FGD4: variants seen among roughly 807,000 people sequenced by gnomAD.
FGD4 encodes the protein FYVE, RhoGEF and PH domain containing 4, also known as FYVE, RhoGEF and PH domain-containing protein 4.
Under a neutral mutation model 102.0 loss-of-function variants are expected in FGD4, and 42 were observed. The observed-to-expected ratio is 0.41, with a 90% CI of 0.32 to 0.53. FGD4 has a LOEUF of 0.53. Ranked by LOEUF, FGD4 falls within the 20% of genes least tolerant of loss-of-function variation. The pLI, the probability that FGD4 is intolerant of heterozygous loss-of-function variation, is 0.21. For synonymous variants in FGD4, 380 were observed against 375.7 expected (o/e 1.01, Z -0.13); for missense variants, 902 against 1,078.2 (o/e 0.84, Z 2.29).
chr12:32,425,877 G>A (rs1941812753), intron 1 of FGD4, among the ~76,000 whole-genome samples: 2 of 151,756 alleles, frequency 1.3e-5, no homozygotes, highest in Non-Finnish European at 2.9e-5. Flanking sequence ...TCTGTTATTG[G>A]TGTATAGGAA....
At chr12:32,441,800 C>G (rs1320662246) in intron 1 of FGD4, among the ~76,000 whole-genome samples, 1 of 152,056 alleles carries the variant, frequency 6.6e-6, no homozygotes, top group Non-Finnish European at 1.5e-5. Context: ...CACTTTGGCC[C>G]TAGGTTTGTG....
intron 14 of FGD4, among the ~76,000 whole-genome samples, chr12:32,630,184 C>T (rs79698257): frequency 0.013 from 2,049 of 152,284 alleles, 44 homozygotes; most frequent in African/African-American, 0.047. Context: ...GGAAAATTCT[C>T]TTACTTTAAC....
intron 1 of FGD4, among the ~76,000 whole-genome samples, chr12:32,457,968 A>C (rs1023279184): frequency 6.6e-6 from 1 of 152,042 alleles, no homozygotes; most frequent in African/African-American, 2.4e-5. Context: ...TTAATTAGGT[A>C]ACATAATTTC....
At chr12:32,476,544 C>G (rs772187878) in intron 1 of FGD4, among the ~76,000 whole-genome samples, 11 of 152,158 alleles carry the variant, frequency 7.2e-5, no homozygotes, top group Non-Finnish European at 1.3e-4. Flanking sequence ...GCATGTTCTG[C>G]TTTGACCTTC....
chr12:32,636,533 CAA>C (rs1259732254), intron 15 of FGD4, among the ~76,000 whole-genome samples: 5 of 121,788 alleles, frequency 4.1e-5, no homozygotes, highest in African/African-American at 3.0e-5. Flanking sequence ...AACTCCGTCT[CAA>C]AAAAAAAAAA....
chr12:32,440,918 A>G (rs112320909), intron 1 of FGD4, among the ~76,000 whole-genome samples: 2,608 of 152,250 alleles, frequency 0.017, 41 homozygotes, highest in Non-Finnish European at 0.024. Flanking sequence ...GCCTCATCCC[A>G]TAGCCACTGC....
rs147054932 is a variant in FGD4, at chr12:32,435,192, C to G, written c.166+35233C>G. Reference sequence around the variant, plus strand: ...TCCCGACTTCAGGTGATCCGCCCACCTTGGCCTCCCAAAGTGCTGGGATTG... The same window carrying G: ...TCCCGACTTCAGGTGATCCGCCCACGTTGGCCTCCCAAAGTGCTGGGATTG... On this transcript the variant is annotated intron_variant, in intron 1 of 16. Transcript: ENST00000534526. 1.8e-4 allele frequency among the ~76,000 whole-genome samples: 28 copies of G among 152,300 alleles called. No individual in the cohort carries two copies. In the East Asian group the frequency reaches 4.6e-3, roughly 25 times the overall value.
intron 1 of FGD4, among the ~76,000 whole-genome samples, chr12:32,529,519 A>C (rs924878569): frequency 6.6e-6 from 1 of 151,918 alleles, no homozygotes; most frequent in Non-Finnish European, 1.5e-5. Context: ...CTTTTTTGCC[A>C]GTATATGCTT....
intron 1 of FGD4, among the ~76,000 whole-genome samples, chr12:32,433,373 G>A (rs962792063): frequency 6.6e-6 from 1 of 151,056 alleles, no homozygotes; most frequent in Non-Finnish European, 1.5e-5. Context: ...TTTTGAGTCG[G>A]AGTCTTGCTC....
intron 1 of FGD4, among the ~76,000 whole-genome samples, chr12:32,479,163 A>T (rs994489541): frequency 1.1e-4 from 16 of 152,196 alleles, no homozygotes; most frequent in African/African-American, 3.9e-4. Context: ...AATTTTTCAC[A>T]GTCAGATTTG....
chr12:32,437,443 C>T (rs139884907), intron 1 of FGD4, among the ~76,000 whole-genome samples: 377 of 152,288 alleles, frequency 2.5e-3, no homozygotes, highest in Middle Eastern at 0.01. Context: ...ATGAGCGAGG[C>T]GAGGTGTCCA....
intron 1 of FGD4, among the ~76,000 whole-genome samples, chr12:32,490,263 T>C (rs1204707478): frequency 6.6e-6 from 1 of 152,198 alleles, no homozygotes. Flanking sequence ...ATTTCCAGAA[T>C]CTAAACTATC....
At chr12:32,536,933 T>TC (rs1379576477) in intron 1 of FGD4, among the ~76,000 whole-genome samples, 2 of 151,934 alleles carry the variant, frequency 1.3e-5, no homozygotes, top group African/African-American at 4.8e-5. Flanking sequence ...TCTTTTCTTT[T>TC]TTTTTTTTGA....
rs747917278 is a variant in FGD4 at position 32,610,640 on chromosome 12, C to T, written c.1544-136C>T. The T allele has an allele frequency of 2.2e-5, 16 of 732,470 alleles. No individual in the cohort carries two copies. In the South Asian group the frequency reaches 2.5e-4, roughly 12 times the overall value. 45.4% of individuals were successfully genotyped at this position (732,470 alleles called of 1,614,324 possible). On this transcript the variant is annotated intron_variant, in intron 8 of 16. Coordinates refer to ENST00000534526, the MANE Select transcript of FGD4 (RefSeq NM_001370298.3). ...CAAATGAACTTTAGAAAGTATATAC[C>T]GTTTATAAATGGAAAATGCCACTAT...
chr12:32,626,998 C>T (rs1212397891), intron 14 of FGD4, among the ~76,000 whole-genome samples: 1 of 151,704 alleles, frequency 6.6e-6, no homozygotes, highest in Admixed American at 6.6e-5. Flanking sequence ...CAGGCGTGTG[C>T]CACCACACCT....
intron 1 of FGD4, among the ~76,000 whole-genome samples, chr12:32,425,144 C>T (rs1941786313): frequency 6.6e-6 from 1 of 152,130 alleles, no homozygotes; most frequent in Non-Finnish European, 1.5e-5. Context: ...AAAGTCTTTG[C>T]CCATGCCTAT....
chr12:32,580,492 T>C (rs1474564312), intron 3 of FGD4, among the ~76,000 whole-genome samples: 3 of 152,188 alleles, frequency 2.0e-5, no homozygotes, highest in African/African-American at 4.8e-5. Flanking sequence ...CGAGTTTTAG[T>C]TGCTTTATTT....
intron 1 of FGD4, among the ~76,000 whole-genome samples, chr12:32,453,722 C>T (rs1942873584): frequency 6.6e-6 from 1 of 152,254 alleles, no homozygotes; most frequent in East Asian, 1.9e-4. Context: ...TAATTATTAT[C>T]ATACTTTATT....
At chr12:32,457,467 G>T (rs1199660760) in intron 1 of FGD4, among the ~76,000 whole-genome samples, 1 of 152,136 alleles carries the variant, frequency 6.6e-6, no homozygotes, top group Non-Finnish European at 1.5e-5. Flanking sequence ...TCTTATGCAT[G>T]CCACAAGTAT....
Sources: gnomAD v4.1 joint callset for allele counts (sites outside exome capture counted in the v4.1 genomes callset) on GRCh38, gnomAD v4.1.1 for gene constraint, MANE v1.5 for transcripts, NCBI Gene and HGNC (gene_info 2026-07-23, HGNC 2026-07-21) for gene names.